The following RPS6KC1 variants were observed in gnomAD, a reference collection of about 807,000 sequenced individuals.
RPS6KC1 encodes inactive ribosomal protein S6 kinase delta-1.
A neutral mutation model predicts 103.8 loss-of-function variants in RPS6KC1; 54 were observed. That is an observed-to-expected ratio of 0.52 (90% confidence interval 0.42 to 0.65). The LOEUF (loss-of-function observed/expected upper bound fraction) is 0.65, where lower values mean the gene tolerates loss of function less well. Among genes scored for constraint, RPS6KC1 ranks in the 30% least tolerant of loss-of-function variants. The pLI, the probability that RPS6KC1 is intolerant of heterozygous loss-of-function variation, is 0.00. For missense variants in RPS6KC1, 1,151 were observed against 1,253.8 expected (o/e 0.92, Z 1.24); for synonymous variants, 439 against 438.7 (o/e 1.00, Z -0.01).
chr1:213,191,711 T>C (rs955909852), intron 8 of RPS6KC1, among the ~76,000 whole-genome samples: 3 of 152,206 alleles, frequency 2.0e-5, no homozygotes, highest in African/African-American at 4.8e-5. Flanking sequence ...ATCCTTGTTA[T>C]ATTCTCGATC....
the RPS6KC1 span, among the ~76,000 whole-genome samples, chr1:213,709,953 T>G: frequency 6.6e-6 from 1 of 152,230 alleles, no homozygotes; most frequent in South Asian, 2.1e-4. Flanking sequence ...GTGGTCGATT[T>G]TAGAATAAGT....
chr1:213,650,885 A>G, the RPS6KC1 span, among the ~76,000 whole-genome samples: 2 of 150,232 alleles, frequency 1.3e-5, no homozygotes, highest in African/African-American at 2.5e-5. Context: ...CAGACTTCTG[A>G]GCAAATATTT....
chr1:213,815,719 A>G, the RPS6KC1 span, among the ~76,000 whole-genome samples: 1 of 152,192 alleles, frequency 6.6e-6, no homozygotes. Flanking sequence ...CTTTCTCGCT[A>G]TTAGCAAAAG....
At chr1:213,423,530 G>C in the RPS6KC1 span, among the ~76,000 whole-genome samples, 3 of 152,178 alleles carry the variant, frequency 2.0e-5, no homozygotes, top group African/African-American at 7.2e-5. Context: ...TGGCTTTGGG[G>C]GGTGAGGATG....
chr1:213,602,222 TTCC>T, the RPS6KC1 span, among the ~76,000 whole-genome samples: 2 of 118,134 alleles, frequency 1.7e-5, no homozygotes, highest in Admixed American at 9.5e-5. Flanking sequence ...CCATTCCTTC[TTCC>T]TTCCTTCCTT....
chr1:213,298,332 A>G, the RPS6KC1 span, among the ~76,000 whole-genome samples: 1 of 152,258 alleles, frequency 6.6e-6, no homozygotes, highest in South Asian at 2.1e-4. Context: ...CAGAATTTTA[A>G]AGGCAATTAT....
chr1:213,259,734 A>ATTTTTTTT (rs71147063), intron 12 of RPS6KC1, among the ~76,000 whole-genome samples: 9 of 97,914 alleles, frequency 9.2e-5, no homozygotes, highest in African/African-American at 1.5e-4. Flanking sequence ...TGTTTTTTTA[A>ATTTTTTTT]TTTTTTTTTT....
chr1:213,365,062 C>T, the RPS6KC1 span, among the ~76,000 whole-genome samples: 1 of 152,144 alleles, frequency 6.6e-6, no homozygotes, highest in South Asian at 2.1e-4. Context: ...CTTTGGTACC[C>T]AGAGAATATA....
At chr1:213,221,762 TTAAGA>T (rs2093838343) in intron 8 of RPS6KC1, among the ~76,000 whole-genome samples, 1 of 152,222 alleles carries the variant, frequency 6.6e-6, no homozygotes, top group Non-Finnish European at 1.5e-5. Flanking sequence ...TTGTTGGTAG[TTAAGA>T]TAAATCAGAT....
At chr1:213,059,270 A>G (rs1362586928) in intron 1 of RPS6KC1, among the ~76,000 whole-genome samples, 1 of 152,184 alleles carries the variant, frequency 6.6e-6, no homozygotes, top group Non-Finnish European at 1.5e-5. Flanking sequence ...TCCTGCATAG[A>G]CAATCTGTGT....
At chr1:213,634,940 A>G in the RPS6KC1 span, among the ~76,000 whole-genome samples, 1 of 152,176 alleles carries the variant, frequency 6.6e-6, no homozygotes, top group East Asian at 1.9e-4. Context: ...TAAAGGGGAT[A>G]TCACCACCGA....
At chr1:213,315,759 C>T in the RPS6KC1 span, among the ~76,000 whole-genome samples, 1 of 152,158 alleles carries the variant, frequency 6.6e-6, no homozygotes, top group African/African-American at 2.4e-5. Context: ...CTCTATTAGC[C>T]TCAGTTTTCT....
intron 5 of RPS6KC1, among the ~76,000 whole-genome samples, chr1:213,125,547 A>G (rs1445238342): frequency 6.6e-6 from 1 of 151,954 alleles, no homozygotes; most frequent in Non-Finnish European, 1.5e-5. Context: ...ATTGTCCTCT[A>G]AAAAGGTTAA....
chr1:213,131,663 C>G (rs769240062), intron 6 of RPS6KC1, among the ~76,000 whole-genome samples: 1 of 152,136 alleles, frequency 6.6e-6, no homozygotes, highest in African/African-American at 2.4e-5. Flanking sequence ...AGGCTGGTCT[C>G]GAACTACTGA....
the RPS6KC1 span, among the ~76,000 whole-genome samples, chr1:213,602,124 T>TTC: frequency 4.9e-5 from 2 of 41,038 alleles, no homozygotes; most frequent in East Asian, 7.4e-4. Flanking sequence ...TTCTTTCTCT[T>TTC]TCTTTCTTTC....
At chr1:213,816,792 C>G in the RPS6KC1 span, among the ~76,000 whole-genome samples, 7 of 152,174 alleles carry the variant, frequency 4.6e-5, no homozygotes, top group Admixed American at 1.3e-4. Context: ...GCCTCCCAAG[C>G]CTTATCTCCG....
chr1:213,103,456 C>T lies in RPS6KC1; in HGVS notation c.263-998C>T, dbSNP rs575534227. 2.0e-4 allele frequency among the ~76,000 whole-genome samples: 30 copies of T among 152,158 alleles called. No homozygotes were observed. The East Asian group carries it at 2.9e-3, about 15-fold the overall frequency. On this transcript the variant is annotated intron_variant, in intron 3 of 14. Transcript: ENST00000366960. ...TTTTAAAAATGAGGAAATAATCTGCCTAAGATTTTATAGCTAGTGAATGAT... is the reference window on the plus strand; with the variant it reads ...TTTTAAAAATGAGGAAATAATCTGCTTAAGATTTTATAGCTAGTGAATGAT...
chr1:213,218,794 G>T (rs573597213), intron 8 of RPS6KC1, among the ~76,000 whole-genome samples: 1 of 152,286 alleles, frequency 6.6e-6, no homozygotes, highest in African/African-American at 2.4e-5. Context: ...TTAATAAATG[G>T]TGCTGGGAAA....
At chr1:213,637,928 C>G in the RPS6KC1 span, among the ~76,000 whole-genome samples, 2 of 151,994 alleles carry the variant, frequency 1.3e-5, no homozygotes, top group Non-Finnish European at 2.9e-5. Flanking sequence ...GTGATCCTCT[C>G]TCTTCAGCCT....
Sources: allele counts gnomAD v4.1 joint callset (sites outside exome capture counted in the v4.1 genomes callset), GRCh38; gene constraint gnomAD v4.1.1; transcripts MANE v1.5; gene names NCBI Gene and HGNC (gene_info 2026-07-23, HGNC 2026-07-21).